The following FNDC3B variants were observed in gnomAD, a reference collection of about 807,000 sequenced individuals.
FNDC3B encodes the protein fibronectin type III domain containing 3B.
A neutral mutation model predicts 151.5 loss-of-function variants in FNDC3B; 12 were observed. That is an observed-to-expected ratio of 0.08 (90% CI 0.05 to 0.13). The LOEUF is 0.13. FNDC3B is among the 10% of genes least tolerant of loss of function. The pLI is 1.00. For missense variants in FNDC3B, 1,214 were observed against 1,505.3 expected (o/e 0.81, Z 3.20); for synonymous variants, 528 against 549.0 (o/e 0.96, Z 0.54).
intron 19 of FNDC3B, among the ~76,000 whole-genome samples, chr3:172,345,077 T>C (rs1733535821): frequency 6.6e-6 from 1 of 152,200 alleles, no homozygotes; most frequent in Non-Finnish European, 1.5e-5. Context: ...CAGCCCAACT[T>C]GCAGTGACTT....
chr3:172,373,270 G>A (rs778503003), intron 23 of FNDC3B, among the ~76,000 whole-genome samples: 3 of 152,156 alleles, frequency 2.0e-5, no homozygotes, highest in Non-Finnish European at 4.4e-5. Flanking sequence ...CCTTCCCCAG[G>A]GTTGAAGCAA....
rs1425877969 is a variant in FNDC3B at position 172,378,413 on chromosome 3, A to T, written c.3152A>T (p.Lys1051Ile). ...GAAACCTATACCTTCAGCACAACCA[A>T]AAGTGTCCCCCCCACCATCAAAGGT... Reference protein sequence around the residue: ...FSETYTFSTTKSVPPTIKAPR... With the variant: ...FSETYTFSTTISVPPTIKAPR... Residue 1051 changes from lysine (K) to isoleucine (I), a missense_variant, in exon 24 of 26, where the codon AAA becomes ATA. Transcript: ENST00000415807. 3 of 1,612,634 alleles carry T rather than the reference A, an allele frequency of 1.9e-6. No homozygotes were observed.
Position 172,276,772 on chromosome 3 carries a change from G to C in FNDC3B, c.791-9154G>C, listed in dbSNP as rs563530482. 2.2e-4 allele frequency among the ~76,000 whole-genome samples: 34 copies of C among 152,278 alleles called. 1 individual carries two copies. The highest frequency in any genetic ancestry group is 2.2e-3 in the Admixed American group (33 of 15,298). ...TACGAGGAAATAGCATCACACTACAGATAGTGATATATTCTATAAGAAAAC... is the reference window on the plus strand; with the variant it reads ...TACGAGGAAATAGCATCACACTACACATAGTGATATATTCTATAAGAAAAC... On this transcript the variant is annotated intron_variant, in intron 6 of 25. Transcript: ENST00000415807.
intron 25 of FNDC3B, among the ~76,000 whole-genome samples, chr3:172,395,344 GA>G (rs1203382194): frequency 1.3e-5 from 2 of 152,136 alleles, no homozygotes; most frequent in African/African-American, 4.8e-5. Context: ...CATTTTGCTA[GA>G]AGAACCTTGT....
At chr3:172,291,824 A>T (rs1479980980) in intron 7 of FNDC3B, among the ~76,000 whole-genome samples, 1 of 152,176 alleles carries the variant, frequency 6.6e-6, no homozygotes, top group African/African-American at 2.4e-5. Flanking sequence ...GCCCTAGTTA[A>T]GCTTGTTGGT....
intron 9 of FNDC3B, chr3:172,303,169 A>C (rs1299498277): frequency 1.3e-5 from 2 of 152,176 alleles, no homozygotes; most frequent in Non-Finnish European, 2.9e-5. Flanking sequence ...TCTATAATTA[A>C]TAATGGCATT....
chr3:172,115,491 C>T lies in FNDC3B; in HGVS notation c.111+2901C>T, dbSNP rs75275472. Among the ~76,000 whole-genome samples the T allele has an allele frequency of 2.9e-3, 434 of 152,264 alleles. 4 individuals are homozygous for T. Among genetic ancestry groups the T allele is most frequent in the African/African-American group, 9.7e-3 (405 of 41,562 alleles). On this transcript the variant is annotated intron_variant, in intron 2 of 25. Transcript: ENST00000415807. The stretch of plus-strand genomic sequence containing the variant: ...TTTGCTGCCTGCCCTTAAGAGCCTG[C>T]GTAATGTGGTGCTCAGGTGGTTCCA...
intron 25 of FNDC3B, among the ~76,000 whole-genome samples, chr3:172,387,583 A>G (rs1214937049): frequency 1.3e-5 from 2 of 152,198 alleles, no homozygotes; most frequent in African/African-American, 4.8e-5. Flanking sequence ...ACTGATTCTT[A>G]GGGCTTTTTT....
chr3:172,189,032 A>G (rs1218329016), intron 3 of FNDC3B, among the ~76,000 whole-genome samples: 2 of 152,212 alleles, frequency 1.3e-5, no homozygotes, highest in African/African-American at 4.8e-5. Flanking sequence ...GGAAGCATTT[A>G]AAACTTATTT....
intron 23 of FNDC3B, among the ~76,000 whole-genome samples, chr3:172,363,744 C>T (rs1027700169): frequency 1.3e-5 from 2 of 152,188 alleles, no homozygotes; most frequent in Admixed American, 1.3e-4. Context: ...CAGTCTCCAC[C>T]CCCTACTCTG....
chr3:172,212,262 TCTTTA>T (rs1177994867), intron 3 of FNDC3B, among the ~76,000 whole-genome samples: 4 of 152,242 alleles, frequency 2.6e-5, no homozygotes, highest in Non-Finnish European at 5.9e-5. Context: ...TCTTTTTCCC[TCTTTA>T]CTTTTAAACA....
chr3:172,308,504 A>G lies in FNDC3B; in HGVS notation c.1200+1003A>G, dbSNP rs1197024961. On this transcript the variant is annotated intron_variant, in intron 10 of 25. Coordinates refer to ENST00000415807, the MANE Select transcript of FNDC3B (RefSeq NM_022763.4). ...CTAGGAAGATCCATTATTAGTGAAG[A>G]AATATTTTATCTTTTCATTTCTGGC... 2.6e-5 allele frequency among the ~76,000 whole-genome samples: 4 copies of G among 152,344 alleles called. No individual in the cohort carries two copies. The East Asian group carries it at 7.7e-4, about 29-fold the overall frequency.
At chr3:172,310,752 A>T in intron 10 of FNDC3B, 76 bp from the exon 11 acceptor site, 1 of 1,028,474 alleles carries the variant, frequency 9.7e-7, no homozygotes. Flanking sequence ...TAGACACTGT[A>T]TGTGAGCCAG....
At chr3:172,174,534 A>G (rs1031394885) in intron 3 of FNDC3B, among the ~76,000 whole-genome samples, 10 of 152,212 alleles carry the variant, frequency 6.6e-5, no homozygotes, top group African/African-American at 2.2e-4. Flanking sequence ...GTTAATTGCA[A>G]CAGCTGGTCC....
At chr3:172,368,776 C>T (rs1041713233) in intron 23 of FNDC3B, among the ~76,000 whole-genome samples, 6 of 152,104 alleles carry the variant, frequency 3.9e-5, no homozygotes, top group African/African-American at 1.4e-4. Context: ...TTTGGAAGGC[C>T]GAGGCAGATG....
At chr3:172,287,779 A>G (rs983583428) in intron 7 of FNDC3B, among the ~76,000 whole-genome samples, 20 of 152,314 alleles carry the variant, frequency 1.3e-4, no homozygotes, top group Middle Eastern at 3.4e-3. Context: ...AGCCATATTT[A>G]GATTCATTGG....
At chr3:172,209,575 A>G (rs762424063) in intron 3 of FNDC3B, among the ~76,000 whole-genome samples, 7 of 152,170 alleles carry the variant, frequency 4.6e-5, no homozygotes, top group Admixed American at 3.9e-4. Flanking sequence ...TGATTGGTCC[A>G]TGGGCGGCCA....
intron 25 of FNDC3B, among the ~76,000 whole-genome samples, chr3:172,395,014 G>C (rs1304195898): frequency 2.0e-5 from 3 of 152,086 alleles, no homozygotes; most frequent in Non-Finnish European, 4.4e-5. Flanking sequence ...TAGATGCAAA[G>C]AAAGTGTTTG....
intron 2 of FNDC3B, among the ~76,000 whole-genome samples, chr3:172,132,889 A>G (rs955973931): frequency 2.6e-5 from 4 of 152,236 alleles, no homozygotes; most frequent in African/African-American, 7.2e-5. Flanking sequence ...TTATGTTCAT[A>G]TAAGTAAAAC....
Sources: allele counts gnomAD v4.1 joint callset (sites outside exome capture counted in the v4.1 genomes callset), GRCh38; gene constraint gnomAD v4.1.1; transcripts MANE v1.5; gene names NCBI Gene and HGNC (gene_info 2026-07-23, HGNC 2026-07-21).